The following CTNNBL1 variants were observed in gnomAD, a reference collection of about 807,000 sequenced individuals.
CTNNBL1 encodes catenin beta like 1, also known as beta-catenin-like protein 1.
CTNNBL1 carries 31 observed loss-of-function variants against 72.7 expected under a neutral mutation model. That is an observed-to-expected ratio of 0.43 (90% CI 0.32 to 0.58). CTNNBL1 has a LOEUF of 0.58. Ranked by LOEUF, CTNNBL1 falls within the 20% of genes least tolerant of loss-of-function variation. The pLI, the probability that CTNNBL1 is intolerant of heterozygous loss-of-function variation, is 0.08. For synonymous variants in CTNNBL1, 240 were observed against 267.3 expected (o/e 0.90, Z 1.00); for missense variants, 534 against 725.1 (o/e 0.74, Z 3.03).
At chr20:37,778,899 TGTTTTTTATTGGGTTTTG>T (rs543703990) in intron 9 of CTNNBL1, among the ~76,000 whole-genome samples, 2 of 152,356 alleles carry the variant, frequency 1.3e-5, no homozygotes, top group South Asian at 4.1e-4. Flanking sequence ...AAAAAGATTT[TGTTTTTTATTGGGTTTTG>T]GTTTTTAAAA....
At chr20:37,768,599 C>T (rs966980258) in intron 7 of CTNNBL1, among the ~76,000 whole-genome samples, 45 of 152,070 alleles carry the variant, frequency 3.0e-4, no homozygotes, top group African/African-American at 1.1e-3. Flanking sequence ...TTGCTTTCTG[C>T]GTTTTAGTTA....
rs2072589955 is a variant in CTNNBL1, at chr20:37,872,018, A to C, written c.*5A>C. 6.2e-7 allele frequency: 1 copy of C among 1,612,672 alleles called. No individual in the cohort carries two copies. Among genetic ancestry groups the C allele is most frequent in the Non-Finnish European group, 8.5e-7 (1 of 1,178,732 alleles). ...GGCTTGCTGGAGAACTTCTAGAGGCACCTTGGCCCTGCGCATCATGGACTC... is the reference window on the plus strand; with the variant it reads ...GGCTTGCTGGAGAACTTCTAGAGGCCCCTTGGCCCTGCGCATCATGGACTC... On this transcript the variant is annotated 3_prime_UTR_variant, in exon 16 of 16. Transcript: ENST00000361383.
At chr20:37,842,244 T>A in intron 12 of CTNNBL1, 95 bp from the exon 13 acceptor site, 1 of 856,926 alleles carries the variant, frequency 1.2e-6, no homozygotes, top group Non-Finnish European at 2.0e-6. Context: ...TCTCCCTTTG[T>A]AAGGGAGCGA....
intron 11 of CTNNBL1, among the ~76,000 whole-genome samples, chr20:37,830,708 A>G (rs1258553317): frequency 6.6e-6 from 1 of 152,242 alleles, no homozygotes; most frequent in Non-Finnish European, 1.5e-5. Context: ...TGCATTTAAC[A>G]TACCTAACCT....
At chr20:37,839,305 G>C (rs1272948610) in intron 11 of CTNNBL1, among the ~76,000 whole-genome samples, 4 of 152,160 alleles carry the variant, frequency 2.6e-5, no homozygotes, top group Non-Finnish European at 5.9e-5. Context: ...TAAACTGTTT[G>C]TTGTTCACAC....
intron 13 of CTNNBL1, among the ~76,000 whole-genome samples, chr20:37,859,601 G>C (rs1354569481): frequency 2.7e-5 from 2 of 72,768 alleles, no homozygotes; most frequent in Non-Finnish European, 5.2e-5. Context: ...TGTCCCGTCA[G>C]CTTGTTTTTT....
intron 1 of CTNNBL1, among the ~76,000 whole-genome samples, chr20:37,715,131 C>G (rs1385894763): frequency 6.6e-6 from 1 of 152,194 alleles, no homozygotes; most frequent in Non-Finnish European, 1.5e-5. Context: ...CCTCAGGAAA[C>G]AGATCTGTAG....
intron 7 of CTNNBL1, among the ~76,000 whole-genome samples, chr20:37,776,105 G>A (rs763209647): frequency 1.3e-5 from 2 of 152,188 alleles, no homozygotes; most frequent in East Asian, 1.9e-4. Context: ...ACCACAGGTT[G>A]CATTTAAGCC....
intron 3 of CTNNBL1, among the ~76,000 whole-genome samples, chr20:37,741,674 G>A (rs1434998594): frequency 6.6e-6 from 1 of 152,208 alleles, no homozygotes; most frequent in African/African-American, 2.4e-5. Flanking sequence ...TATGTGCCTA[G>A]TAAATATTTG....
At chr20:37,819,708 C>G (rs897896907) in intron 11 of CTNNBL1, among the ~76,000 whole-genome samples, 2 of 152,096 alleles carry the variant, frequency 1.3e-5, no homozygotes, top group African/African-American at 4.8e-5. Flanking sequence ...TGGCTTCCCT[C>G]CTACACCAGC....
At chr20:37,830,166 CAT>C (rs753729107) in intron 11 of CTNNBL1, among the ~76,000 whole-genome samples, 69 of 151,960 alleles carry the variant, frequency 4.5e-4, no homozygotes, top group Admixed American at 1.0e-3. Flanking sequence ...TTGAGACTGA[CAT>C]GTGAAAAATT....
At chr20:37,713,994 T>C (rs1490468783) in intron 1 of CTNNBL1, among the ~76,000 whole-genome samples, 1 of 151,958 alleles carries the variant, frequency 6.6e-6, no homozygotes, top group East Asian at 1.9e-4. Flanking sequence ...AGAGGTTTGG[T>C]AACTTGCCCA....
At chr20:37,713,103 C>A (rs536757356) in intron 1 of CTNNBL1, among the ~76,000 whole-genome samples, 7 of 152,194 alleles carry the variant, frequency 4.6e-5, no homozygotes, top group Admixed American at 1.3e-4. Flanking sequence ...GACAGAAATT[C>A]GTAAGCTTCA....
At chr20:37,858,878 T>C (rs1007439073) in intron 13 of CTNNBL1, among the ~76,000 whole-genome samples, 1 of 152,124 alleles carries the variant, frequency 6.6e-6, no homozygotes, top group African/African-American at 2.4e-5. Context: ...CAGCATGCCC[T>C]CTGACAAAAC....
At chr20:37,817,573 G>A (rs1363567242) in intron 11 of CTNNBL1, among the ~76,000 whole-genome samples, 1 of 152,110 alleles carries the variant, frequency 6.6e-6, no homozygotes, top group Non-Finnish European at 1.5e-5. Flanking sequence ...TATAACTTTT[G>A]GCATGTTAAT....
rs986691487 is a variant in CTNNBL1 at position 37,777,727 on chromosome 20, T to G, written c.882+15T>G. Reference sequence around the variant, plus strand: ...AGCAGTTATCCGTGAGTAATTCTTATGCTTCCTGTCTGCTGTAAGATACAT... The same window carrying G: ...AGCAGTTATCCGTGAGTAATTCTTAGGCTTCCTGTCTGCTGTAAGATACAT... On this transcript the variant is annotated intron_variant, in intron 9 of 15. Transcript: ENST00000361383. The G allele has an allele frequency of 5.0e-6, 8 of 1,612,660 alleles. No individual in the cohort carries two copies. The highest frequency in any genetic ancestry group is 1.3e-5 in the African/African-American group (1 of 74,890).
At chr20:37,736,266 C>T (rs181566345) in intron 2 of CTNNBL1, among the ~76,000 whole-genome samples, 143 of 152,148 alleles carry the variant, frequency 9.4e-4, no homozygotes, top group African/African-American at 3.0e-3. Flanking sequence ...AATTAACAAC[C>T]GTTCTTAGTT....
chr20:37,834,130 G>T (rs1027766468), intron 11 of CTNNBL1, among the ~76,000 whole-genome samples: 3 of 152,268 alleles, frequency 2.0e-5, no homozygotes, highest in Middle Eastern at 6.8e-3. Context: ...ATGCATGCCA[G>T]TGTCATGTGC....
At chr20:37,734,351 G>C (rs908880313) in intron 2 of CTNNBL1, among the ~76,000 whole-genome samples, 3 of 152,224 alleles carry the variant, frequency 2.0e-5, no homozygotes, top group Non-Finnish European at 4.4e-5. Flanking sequence ...GAGGGCAGCA[G>C]CCTTGCCAGG....
Sources: gnomAD v4.1 joint callset for allele counts (sites outside exome capture counted in the v4.1 genomes callset) on GRCh38, gnomAD v4.1.1 for gene constraint, MANE v1.5 for transcripts, NCBI Gene and HGNC (gene_info 2026-07-23, HGNC 2026-07-21) for gene names.